The following ALYREF variants were observed in gnomAD, a reference collection of about 807,000 sequenced individuals.
ALYREF encodes THO complex subunit 4.
Under a neutral mutation model 25.2 loss-of-function variants are expected in ALYREF, and 1 was observed. The observed-to-expected ratio is 0.04, with a 90% CI of 0.01 to 0.19. The LOEUF (loss-of-function observed/expected upper bound fraction) is 0.19. ALYREF is among the 10% of genes least tolerant of loss of function. ALYREF has a pLI of 1.00. For synonymous variants in ALYREF, 193 were observed against 153.5 expected, an observed-to-expected ratio of 1.26 and a Z score of -1.90; for missense variants, 328 against 375.6, an observed-to-expected ratio of 0.87 and a Z score of 1.05.
Position 81,888,473 on chromosome 17 carries a change from AGC to A in ALYREF, c.602+45_602+46del. ...CCCGGAAGGACCCTAAGAGCGACGC[AGC>A]CTCACCCTCGGCCAATCCCCTTCCC... On this transcript the variant is annotated intron_variant, in intron 4 of 5. Transcript: ENST00000505490. The surrounding 1 kb of genome is among the most constrained non-coding windows in gnomAD (Gnocchi z 5.8). 6.2e-7 allele frequency: 1 copy of A among 1,604,602 alleles called. No homozygotes were observed. Among genetic ancestry groups the A allele is most frequent in the African/African-American group, 1.3e-5 (1 of 74,894 alleles).
chr17:81,891,109 G>C lies in ALYREF; in HGVS notation c.258+214C>G, dbSNP rs546718665. On this transcript the variant is annotated intron_variant, in intron 1 of 5. Coordinates refer to ENST00000505490, the MANE Select transcript of ALYREF (RefSeq NM_005782.4). ...CAACGTCCGGAACAAACAAAGAGCT[G>C]GGAAGGGTCTCAGCCTCCGGGACCG... 185 of 656,068 alleles carry C rather than the reference G, an allele frequency of 2.8e-4. 1 individual carries two copies. The African/African-American group carries it at 3.1e-3, about 11-fold the overall frequency. 40.6% of individuals were successfully genotyped at this position (656,068 alleles called of 1,614,324 possible).
At position 81,891,372 on chromosome 17, in the gene ALYREF, C is replaced by T; in HGVS notation, c.209G>A (p.Arg70His). 1.7e-6 allele frequency: 2 copies of T among 1,144,790 alleles called. No individual in the cohort carries two copies. The highest frequency in any genetic ancestry group is 2.1e-6 in the Non-Finnish European group (2 of 930,680). The allele number at this position is 1,144,790 out of a possible 1,614,324, so 70.9% of individuals were successfully genotyped here. The change falls in exon 1 of 6, where the codon CGC (arginine) becomes CAC (histidine). Residue 70 changes from arginine (R) to histidine (H), a missense_variant. By Grantham distance (29) the Arg-to-His change is conservative (BLOSUM62 0). This residue lies in a region of ALYREF where 150 missense variants were observed against 135.3 expected (regional missense o/e 1.11). Coordinates refer to ENST00000505490, the MANE Select transcript of ALYREF (RefSeq NM_005782.4). ...GPIRNRPAIA[R>H]GAAGGGGRNR... ...CCTGCCGCCTCCGCCGGCCGCGCCG[C>T]GGGCGATGGCCGGCCGGTTCCGGAT...
Position 81,891,409 on chromosome 17 carries a change from C to A in ALYREF, c.172G>T (p.Gly58Cys), listed in dbSNP as rs1195734051. 4.8e-6 allele frequency: 5 copies of A among 1,045,824 alleles called. No individual in the cohort carries two copies. Among genetic ancestry groups the A allele is most frequent in the Non-Finnish European group, 5.7e-6 (5 of 871,572 alleles). The allele number at this position is 1,045,824 out of a possible 1,614,324, so 64.8% of individuals were successfully genotyped here. A position where few individuals can be genotyped will look rare whatever the true frequency, so the allele number is the denominator to read the frequency against. ...GAQAAARVNR[G>C]GGPIRNRPAI... ...GGCCGGTTCCGGATGGGCCCGCCGC[C>A]TCGATTCACTCGCGCGGCGGCCTGC... Residue 58 changes from glycine to cysteine, a missense_variant, in exon 1 of 6, where the codon GGC (glycine) becomes TGC (cysteine). Physicochemically the swap from Gly to Cys is radical, Grantham distance 159 (BLOSUM62 -3). Around this residue, in one of 3 missense-constraint regions of ALYREF, gnomAD observed 150 missense variants for 135.3 expected, o/e 1.11. Transcript: ENST00000505490.
chr17:81,890,969 G>A (rs1030157880), intron 1 of ALYREF, 149 bp from the exon 2 acceptor site: 2 of 1,235,042 alleles, frequency 1.6e-6, no homozygotes, highest in Admixed American at 2.5e-5. Flanking sequence ...CGCTGCAGCT[G>A]CCCCAGCCCG....
Position 81,888,637 on chromosome 17 carries a change from C to A in ALYREF, c.539-54G>T. 6.4e-7 allele frequency: 1 copy of A among 1,551,566 alleles called. No homozygotes were observed. The highest frequency in any genetic ancestry group is 2.0e-5 in the Admixed American group (1 of 51,192). ...TCTATTGAGAGGCTCTGAAACCCAC[C>A]CAGCTGGCGCCACACCCTGGTCTCC... On this transcript the variant is annotated intron_variant, in intron 3 of 5. Transcript: ENST00000505490. This position sits in a 1 kb window ranked among gnomAD's most constrained non-coding sequence, Gnocchi z 5.8.
Position 81,888,427 on chromosome 17 carries a change from G to T in ALYREF, c.603-9C>A. On this transcript the variant is annotated splice_polypyrimidine_tract_variant and intron_variant, in intron 4 of 5. Transcript: ENST00000505490. This position sits in a 1 kb window ranked among gnomAD's most constrained non-coding sequence, Gnocchi z 5.8. ...TGCCACCTCTGTTTACGCTAGCAAG[G>T]AAGACGAAACCGTTCACACACCCGG... The T allele has an allele frequency of 1.3e-6, 2 of 1,598,712 alleles. No homozygotes were observed. The highest frequency in any genetic ancestry group is 1.7e-6 in the Non-Finnish European group (2 of 1,170,246).
rs1283266398 is a variant in ALYREF at position 81,891,584 on chromosome 17, C to T, written c.-4G>A. 1.4e-6 allele frequency: 2 copies of T among 1,424,018 alleles called. No homozygotes were observed. Among genetic ancestry groups the T allele is most frequent in the African/African-American group, 1.5e-5 (1 of 66,398 alleles). 88.2% of individuals were successfully genotyped at this position (1,424,018 alleles called of 1,614,324 possible). On this transcript the variant is annotated 5_prime_UTR_variant, in exon 1 of 6. Transcript: ENST00000505490. ...TGGCGGGCGCGGAATCGGGCATCGGCTCGAGCCCGCGCGTCAGCACGCCGG... is the reference window on the plus strand; with the variant it reads ...TGGCGGGCGCGGAATCGGGCATCGGTTCGAGCCCGCGCGTCAGCACGCCGG...
intron 1 of ALYREF, 75 bp from the exon 2 acceptor site, chr17:81,890,895 G>A (rs2039509193): frequency 5.0e-6 from 8 of 1,594,704 alleles, no homozygotes; most frequent in African/African-American, 2.7e-5. Flanking sequence ...CGGCTACTCC[G>A]GACCCTTCCT....
chr17:81,887,976 A>G lies in ALYREF; in HGVS notation c.*155T>C, dbSNP rs2039454356. 7.8e-6 allele frequency: 7 copies of G among 891,886 alleles called. No individual in the cohort carries two copies. Among genetic ancestry groups the G allele is most frequent in the Admixed American group, 3.4e-5 (1 of 29,294 alleles). The allele number at this position is 891,886 out of a possible 1,614,324, so 55.2% of individuals were successfully genotyped here. A position where few individuals can be genotyped will look rare whatever the true frequency, so the allele number is the denominator to read the frequency against. On this transcript the variant is annotated 3_prime_UTR_variant, in exon 6 of 6. Transcript: ENST00000505490. ...TCAGAATTAAAAAAAAAAAAAAAGA[A>G]AAAAAAAAAACCTTTACATGAGTTT...
Position 81,888,259 on chromosome 17 carries a change from C to T in ALYREF, c.762G>A (p.Leu254=). ...QLSAEELDAQ[L]DAYNARMDTS ...GACTCACTCTCGCATTATAGGCGTCCAGCTGGGCATCCAGCTCCTCTGCCG... is the reference window on the plus strand; with the variant it reads ...GACTCACTCTCGCATTATAGGCGTCTAGCTGGGCATCCAGCTCCTCTGCCG... Residue 254 remains leucine (L), a synonymous_variant, in exon 5 of 6, where the codon CTG becomes CTA. Transcript: ENST00000505490. The surrounding 1 kb of genome is among the most constrained non-coding windows in gnomAD (Gnocchi z 5.8). 6.2e-7 allele frequency: 1 copy of T among 1,611,160 alleles called. No homozygotes were observed. The highest frequency in any genetic ancestry group is 1.1e-5 in the South Asian group (1 of 91,016).
At position 81,891,308 on chromosome 17, in the gene ALYREF, G is replaced by T. The variant is rs1336043158; in HGVS notation, c.258+15C>A. 6 of 1,137,270 alleles carry T rather than the reference G, an allele frequency of 5.3e-6. No homozygotes were observed. Among genetic ancestry groups the T allele is most frequent in the Non-Finnish European group, 6.5e-6 (6 of 929,088 alleles). The allele number at this position is 1,137,270 out of a possible 1,614,324, so 70.4% of individuals were successfully genotyped here. A position where few individuals can be genotyped will look rare whatever the true frequency, so the allele number is the denominator to read the frequency against. On this transcript the variant is annotated intron_variant, in intron 1 of 5. Transcript: ENST00000505490. The stretch of plus-strand genomic sequence containing the variant: ...CCCCCTCCCACTCTCCGGCGCGGCC[G>T]GCCTCCGCACTCACCCTGCTGTAGG...
Position 81,888,973 on chromosome 17 carries a change from G to A in ALYREF, c.538+209C>T. On this transcript the variant is annotated intron_variant, in intron 3 of 5. Transcript: ENST00000505490. This position sits in a 1 kb window ranked among gnomAD's most constrained non-coding sequence, Gnocchi z 5.8. ...AATCTTCCGGAAGGAGCTGAAGGAG[G>A]GGAGGGATGTAGCTTGCTGGATGGG... 1 of 1,423,096 alleles carries A rather than the reference G, an allele frequency of 7.0e-7. No homozygotes were observed. Among genetic ancestry groups the A allele is most frequent in the Non-Finnish European group, 9.2e-7 (1 of 1,090,810 alleles). 88.2% of individuals were successfully genotyped at this position (1,423,096 alleles called of 1,614,324 possible). A position where few individuals can be genotyped will look rare whatever the true frequency, so the allele number is the denominator to read the frequency against.
chr17:81,891,346 T>C lies in ALYREF; in HGVS notation c.235A>G (p.Asn79Asp). The C allele has an allele frequency of 8.6e-7, 1 of 1,156,206 alleles. No individual in the cohort carries two copies. The highest frequency in any genetic ancestry group is 4.7e-5 in the East Asian group (1 of 21,116). 71.6% of individuals were successfully genotyped at this position (1,156,206 alleles called of 1,614,324 possible). A position where few individuals can be genotyped will look rare whatever the true frequency, so the allele number is the denominator to read the frequency against. The change falls in exon 1 of 6, where the codon AAC (asparagine) becomes GAC (aspartate). Residue 79 changes from asparagine (N) to aspartate (D), a missense_variant. By Grantham distance (23) the Asn-to-Asp change is conservative. Around this residue, in one of 3 missense-constraint regions of ALYREF, gnomAD observed 150 missense variants for 135.3 expected, o/e 1.11. Transcript: ENST00000505490. ...ARGAAGGGGR[N>D]RPAPYSRPKQ... ...ACCCTGCTGTAGGGCGCCGGTCGGT[T>C]CCTGCCGCCTCCGCCGGCCGCGCCG...
Position 81,888,921 on chromosome 17 carries a change from C to T in ALYREF, c.538+261G>A, listed in dbSNP as rs1411468738. 2.8e-6 allele frequency: 4 copies of T among 1,410,220 alleles called. No homozygotes were observed. The highest frequency in any genetic ancestry group is 2.9e-5 in the Admixed American group (1 of 34,350). 87.4% of individuals were successfully genotyped at this position (1,410,220 alleles called of 1,614,324 possible). A position where few individuals can be genotyped will look rare whatever the true frequency, so the allele number is the denominator to read the frequency against. The stretch of plus-strand genomic sequence containing the variant: ...CCCCGCACTCAGAGGTGTACTATGG[C>T]GGTTCTGAGAAGGCTTCACAGAAGT... On this transcript the variant is annotated intron_variant, in intron 3 of 5. Transcript: ENST00000505490. The surrounding 1 kb of genome is among the most constrained non-coding windows in gnomAD (Gnocchi z 5.8).
At chr17:81,889,393 G>C in intron 2 of ALYREF, 64 bp from the exon 3 acceptor site, 2 of 1,587,356 alleles carry the variant, frequency 1.3e-6, no homozygotes, top group Non-Finnish European at 1.7e-6. Flanking sequence ...GGTGGCCCAG[G>C]GACAGGCCCT....
Position 81,888,742 on chromosome 17 carries a change from C to T in ALYREF, c.539-159G>A. On this transcript the variant is annotated intron_variant, in intron 3 of 5. Transcript: ENST00000505490. This position sits in a 1 kb window ranked among gnomAD's most constrained non-coding sequence, Gnocchi z 5.8. ...TGGCCTGGAGATACTGGTGGGAGAA[C>T]AAAATGGCAAGGAAGCAACCCCACC... 6.8e-7 allele frequency: 1 copy of T among 1,459,970 alleles called. No homozygotes were observed. The highest frequency in any genetic ancestry group is 9.1e-7 in the Non-Finnish European group (1 of 1,103,320). 90.4% of individuals were successfully genotyped at this position (1,459,970 alleles called of 1,614,324 possible). A position where few individuals can be genotyped will look rare whatever the true frequency, so the allele number is the denominator to read the frequency against.
rs536847828 is a variant in ALYREF, at chr17:81,890,863, T to C, written c.259-43A>G. The C allele has an allele frequency of 3.7e-6, 6 of 1,612,954 alleles. No individual in the cohort carries two copies. The East Asian group carries it at 1.1e-4, about 30-fold the overall frequency. On this transcript the variant is annotated intron_variant, in intron 1 of 5. Coordinates refer to ENST00000505490, the MANE Select transcript of ALYREF (RefSeq NM_005782.4). Reference sequence around the variant, plus strand: ...ACAAGAGCAGATCTGTGAGTCTCAGTCCAGGGCTTTCCTGACCCTCACGGC... The same window carrying C: ...ACAAGAGCAGATCTGTGAGTCTCAGCCCAGGGCTTTCCTGACCCTCACGGC...
chr17:81,891,116 G>A (rs2039516440), intron 1 of ALYREF: 1 of 628,778 alleles, frequency 1.6e-6, no homozygotes, highest in Non-Finnish European at 2.5e-6. Context: ...GCTGGGAAGG[G>A]TCTCAGCCTC....
Position 81,887,972 on chromosome 17 carries a change from A to AG in ALYREF, c.*158_*159insC. The AG allele has an allele frequency of 2.5e-6, 2 of 799,628 alleles. No homozygotes were observed. The highest frequency in any genetic ancestry group is 3.6e-6 in the Non-Finnish European group (2 of 553,704). The allele number at this position is 799,628 out of a possible 1,614,324, so 49.5% of individuals were successfully genotyped here. A position where few individuals can be genotyped will look rare whatever the true frequency, so the allele number is the denominator to read the frequency against. ...TGTTTCAGAATTAAAAAAAAAAAAA[A>AG]AGAAAAAAAAAAAACCTTTACATGA... On this transcript the variant is annotated 3_prime_UTR_variant, in exon 6 of 6. Transcript: ENST00000505490.
Sources: allele counts gnomAD v4.1 joint callset, GRCh38; gene constraint gnomAD v4.1.1; regional missense constraint gnomAD v4.1.1; non-coding constraint Gnocchi (gnomAD v3.1); transcripts MANE v1.5; gene names NCBI Gene and HGNC (gene_info 2026-07-23, HGNC 2026-07-21).